Variants in EVA1C observed in about 807,000 individuals in gnomAD.
The protein encoded by EVA1C is protein eva-1 homolog C.
In EVA1C, 25 loss-of-function variants were observed where a neutral mutation model predicts 45.4. That is an observed-to-expected ratio of 0.55 (90% CI 0.40 to 0.77). The LOEUF (loss-of-function observed/expected upper bound fraction) is 0.77, where lower values mean the gene tolerates loss of function less well. Ranked by LOEUF, EVA1C falls within the 30% of genes least tolerant of loss-of-function variation. EVA1C has a pLI of 0.00. For synonymous variants in EVA1C, 190 were observed against 221.2 expected (o/e 0.86, Z 1.25); for missense variants, 479 against 554.8 (o/e 0.86, Z 1.37).
At chr21:32,484,520 G>C (rs2036903427) in intron 4 of EVA1C, among the ~76,000 whole-genome samples, 3 of 151,764 alleles carry the variant, frequency 2.0e-5, no homozygotes, top group African/African-American at 7.2e-5. Flanking sequence ...CTCCAGCCTG[G>C]GCGACAAAGA....
intron 4 of EVA1C, among the ~76,000 whole-genome samples, chr21:32,484,201 AACATAGTTC>A (rs1288151084): frequency 6.6e-6 from 1 of 152,114 alleles, no homozygotes; most frequent in African/African-American, 2.4e-5. Flanking sequence ...GGTTCCCTGG[AACATAGTTC>A]GATGTTGATG....
intron 1 of EVA1C, among the ~76,000 whole-genome samples, chr21:32,443,532 C>T (rs762719262): frequency 6.6e-6 from 1 of 151,968 alleles, no homozygotes; most frequent in Non-Finnish European, 1.5e-5. Flanking sequence ...AGCGAAACTC[C>T]ATCTCAAAAA....
intron 4 of EVA1C, among the ~76,000 whole-genome samples, chr21:32,489,956 C>A (rs891889029): frequency 1.3e-5 from 2 of 152,080 alleles, no homozygotes; most frequent in Middle Eastern, 6.4e-3. Flanking sequence ...CGTGTGCCAC[C>A]GCGCCTGGCT....
intron 1 of EVA1C, among the ~76,000 whole-genome samples, chr21:32,430,337 C>T (rs1395429759): frequency 1.3e-5 from 2 of 152,072 alleles, no homozygotes; most frequent in Non-Finnish European, 2.9e-5. Context: ...GAGTCACCCA[C>T]ATAATGACAG....
intron 1 of EVA1C, 101 bp from the exon 2 acceptor site, chr21:32,453,211 G>T (rs2035649377): frequency 2.6e-6 from 2 of 776,348 alleles, no homozygotes; most frequent in Non-Finnish European, 2.1e-6. Flanking sequence ...GTTGTTGATT[G>T]AACAGCCCTT....
intron 4 of EVA1C, among the ~76,000 whole-genome samples, chr21:32,483,283 G>C (rs1449182500): frequency 6.6e-5 from 10 of 152,288 alleles, no homozygotes; most frequent in African/African-American, 2.4e-4. Context: ...TGGCCTGTCT[G>C]GCGCCCGAAT....
At chr21:32,440,016 AGTTGAAAGGCTGTCTAAGCGGGTGG>A (rs2035114192) in intron 1 of EVA1C, among the ~76,000 whole-genome samples, 1 of 151,628 alleles carries the variant, frequency 6.6e-6, no homozygotes, top group South Asian at 2.1e-4. Context: ...AAGTGGGCAG[AGTTGAAAGGCTGTCTAAGCGGGTGG>A]GATGGGAGGC....
chr21:32,447,037 A>G (rs1232218777), intron 1 of EVA1C, among the ~76,000 whole-genome samples: 4 of 152,118 alleles, frequency 2.6e-5, no homozygotes, highest in Non-Finnish European at 5.9e-5. Flanking sequence ...CCCACGGTTC[A>G]TCATTTTGAG....
chr21:32,483,528 G>A (rs1452517930), intron 4 of EVA1C, among the ~76,000 whole-genome samples: 1 of 152,132 alleles, frequency 6.6e-6, no homozygotes, highest in African/African-American at 2.4e-5. Context: ...GGGGAAAGAT[G>A]GATTTATTCC....
Position 32,474,042 on chromosome 21 carries a change from C to T in EVA1C, c.634+6194C>T, listed in dbSNP as rs1379037428. On this transcript the variant is annotated intron_variant, in intron 4 of 7. Transcript: ENST00000300255. This position sits in a 1 kb window ranked among gnomAD's most constrained non-coding sequence, Gnocchi z 4.4. Reference sequence around the variant, plus strand: ...TCATGGGCTCAAGCAATTCTCTCACCTCAGCCTCCTGAGTAGCTGGGACTA... The same window carrying T: ...TCATGGGCTCAAGCAATTCTCTCACTTCAGCCTCCTGAGTAGCTGGGACTA... The T allele has an allele frequency of 1.4e-6, 1 of 719,136 alleles. No individual in the cohort carries two copies. Among genetic ancestry groups the T allele is most frequent in the Non-Finnish European group, 1.7e-6 (1 of 587,042 alleles). The allele number at this position is 719,136 out of a possible 1,614,324, so 44.5% of individuals were successfully genotyped here. A position where few individuals can be genotyped will look rare whatever the true frequency, so the allele number is the denominator to read the frequency against.
intron 1 of EVA1C, among the ~76,000 whole-genome samples, chr21:32,434,220 C>T (rs188795457): frequency 2.9e-3 from 441 of 151,932 alleles, no homozygotes; most frequent in African/African-American, 9.9e-3. Context: ...TGCTTGAACC[C>T]GGGAGGCGGA....
At chr21:32,479,464 G>A (rs2036698602) in intron 4 of EVA1C, among the ~76,000 whole-genome samples, 3 of 151,918 alleles carry the variant, frequency 2.0e-5, no homozygotes, top group Admixed American at 1.3e-4. Flanking sequence ...AGCAGAAGGT[G>A]CAAATAAAAT....
At position 32,427,601 on chromosome 21, in the gene EVA1C, T is replaced by C. The variant is rs529235030; in HGVS notation, c.160+14588T>C. Among the ~76,000 whole-genome samples, 592 of 152,078 alleles carry C rather than the reference T, an allele frequency of 3.9e-3. 6 individuals carry two copies. Among genetic ancestry groups the C allele is most frequent in the African/African-American group, 0.01 (432 of 41,462 alleles). ...GGTGGCACATGCCTGTAGTCCCAGTTACTCGGGAGGCTGAGGCAGGAGAAT... is the reference window on the plus strand; with the variant it reads ...GGTGGCACATGCCTGTAGTCCCAGTCACTCGGGAGGCTGAGGCAGGAGAAT... On this transcript the variant is annotated intron_variant, in intron 1 of 7. Coordinates refer to ENST00000300255, the MANE Select transcript of EVA1C (RefSeq NM_058187.5).
At chr21:32,460,453 C>T (rs367965723) in intron 3 of EVA1C, among the ~76,000 whole-genome samples, 12 of 152,308 alleles carry the variant, frequency 7.9e-5, no homozygotes, top group African/African-American at 2.6e-4. Context: ...GTATGATTTG[C>T]ACACACACTG....
intron 3 of EVA1C, 26 bp downstream of exon 3, chr21:32,457,746 G>A (rs752520190): frequency 3.7e-6 from 6 of 1,613,406 alleles, no homozygotes; most frequent in Non-Finnish European, 4.2e-6. Context: ...GGGGGACAGT[G>A]TGTTTGGGGT....
At chr21:32,414,638 T>C (rs2033965305) in intron 1 of EVA1C, among the ~76,000 whole-genome samples, 1 of 152,238 alleles carries the variant, frequency 6.6e-6, no homozygotes, top group African/African-American at 2.4e-5. Context: ...TTACATACAG[T>C]GGAGTTGAGC....
At chr21:32,419,061 A>G (rs1351050320) in intron 1 of EVA1C, among the ~76,000 whole-genome samples, 1 of 152,224 alleles carries the variant, frequency 6.6e-6, no homozygotes, top group Non-Finnish European at 1.5e-5. Context: ...CATATATTGG[A>G]GATGTGTTCT....
At chr21:32,417,203 T>C (rs1218432355) in intron 1 of EVA1C, among the ~76,000 whole-genome samples, 1 of 152,244 alleles carries the variant, frequency 6.6e-6, no homozygotes, top group African/African-American at 2.4e-5. Context: ...CCAGATTGTA[T>C]TAATTTGCTA....
chr21:32,466,824 CTTTTT>C (rs34603277), intron 3 of EVA1C, among the ~76,000 whole-genome samples: 1 of 145,668 alleles, frequency 6.9e-6, no homozygotes, highest in Non-Finnish European at 1.5e-5. Context: ...ATCTTTCTTG[CTTTTT>C]TTTTTTTTTA....
Sources: allele counts gnomAD v4.1 joint callset (sites outside exome capture counted in the v4.1 genomes callset), GRCh38; gene constraint gnomAD v4.1.1; non-coding constraint Gnocchi (gnomAD v3.1); transcripts MANE v1.5; gene names NCBI Gene and HGNC (gene_info 2026-07-23, HGNC 2026-07-21).